RGS6: variants seen among roughly 807,000 people sequenced by gnomAD.
The protein encoded by RGS6 is regulator of G-protein signaling 6.
Under a neutral mutation model 78.5 loss-of-function variants are expected in RGS6, and 30 were observed. The ratio of observed to expected loss-of-function variants is 0.38; its 90% CI spans 0.29 to 0.52. RGS6 has a LOEUF of 0.52. RGS6 is among the 20% of genes least tolerant of loss of function. The probability of loss-of-function intolerance (pLI) is 0.85; values close to 1 mark genes in which losing one functional copy is unlikely to be tolerated. For missense variants in RGS6, 495 were observed against 609.7 expected, an observed-to-expected ratio of 0.81 and a Z score of 1.98; for synonymous variants, 206 against 206.0, an observed-to-expected ratio of 1.00 and a Z score of 0.00.
In RGS6 at chr14:72,413,710, T is replaced by C. The variant is rs894821267; in HGVS notation, c.185-40818T>C. Reference sequence around the variant, plus strand: ...GTTTTTGCAGTGGCTGGTACTGCGGTTGTTCCTTTCCATGTTTAGTGCTTC... The same window carrying C: ...GTTTTTGCAGTGGCTGGTACTGCGGCTGTTCCTTTCCATGTTTAGTGCTTC... On this transcript the variant is annotated intron_variant, in intron 3 of 17. Transcript: ENST00000553525. Among the ~76,000 whole-genome samples, 86 of 152,202 alleles carry C rather than the reference T, an allele frequency of 5.7e-4. 2 individuals carry two copies. Among genetic ancestry groups the C allele is most frequent in the Non-Finnish European group, 2.2e-4 (15 of 68,038 alleles).
chr14:72,295,027 C>T (rs1444213957), intron 2 of RGS6, among the ~76,000 whole-genome samples: 1 of 152,138 alleles, frequency 6.6e-6, no homozygotes, highest in Non-Finnish European at 1.5e-5. Flanking sequence ...CGCGGTGGCT[C>T]ACGCCTGTAA....
chr14:72,437,332 C>G (rs1442895732), intron 3 of RGS6, among the ~76,000 whole-genome samples: 1 of 114,290 alleles, frequency 8.7e-6, no homozygotes, highest in Admixed American at 1.2e-4. Context: ...CAGAGTGAGA[C>G]TCCATCTCAA....
At chr14:72,017,269 A>G (rs990715730) in intron 2 of RGS6, among the ~76,000 whole-genome samples, 2 of 151,816 alleles carry the variant, frequency 1.3e-5, no homozygotes, top group African/African-American at 4.8e-5. Context: ...ATCTTTTCCT[A>G]TTATTGCTGG....
intron 2 of RGS6, among the ~76,000 whole-genome samples, chr14:72,132,485 G>T (rs1266262227): frequency 6.6e-6 from 1 of 151,914 alleles, no homozygotes; most frequent in African/African-American, 2.4e-5. Flanking sequence ...CACCATGTTG[G>T]CCAGGCCAGT....
intron 2 of RGS6, among the ~76,000 whole-genome samples, chr14:72,181,311 A>G (rs1387882325): frequency 6.6e-6 from 1 of 152,190 alleles, no homozygotes; most frequent in Non-Finnish European, 1.5e-5. Flanking sequence ...GGGACAAGTC[A>G]TATTTAAGAC....
intron 2 of RGS6, among the ~76,000 whole-genome samples, chr14:72,040,195 C>A (rs1289890878): frequency 6.6e-6 from 1 of 151,946 alleles, no homozygotes; most frequent in Non-Finnish European, 1.5e-5. Context: ...TTACAGAATT[C>A]TGTATTTGTC....
chr14:72,352,883 T>C (rs2079396260), intron 3 of RGS6, among the ~76,000 whole-genome samples: 1 of 152,182 alleles, frequency 6.6e-6, no homozygotes, highest in Admixed American at 6.5e-5. Flanking sequence ...ACTACCTAGG[T>C]ATGTATCTTT....
intron 17 of RGS6, among the ~76,000 whole-genome samples, chr14:72,542,615 G>A (rs1002341897): frequency 3.3e-5 from 5 of 152,130 alleles, no homozygotes; most frequent in Non-Finnish European, 5.9e-5. Flanking sequence ...GGCAGCTCAC[G>A]GACCAAAGAC....
chr14:72,155,456 A>C (rs1220550611), intron 2 of RGS6, among the ~76,000 whole-genome samples: 1 of 152,132 alleles, frequency 6.6e-6, no homozygotes, highest in African/African-American at 2.4e-5. Context: ...TCCAGAACTA[A>C]CCACCCACAA....
At chr14:72,028,773 G>A (rs188334967) in intron 2 of RGS6, among the ~76,000 whole-genome samples, 50 of 152,336 alleles carry the variant, frequency 3.3e-4, no homozygotes, top group Non-Finnish European at 5.4e-4. Flanking sequence ...ATTTTTAGAA[G>A]CTGTAGTTGA....
chr14:72,045,882 G>A (rs1048736165), intron 2 of RGS6, among the ~76,000 whole-genome samples: 10 of 151,920 alleles, frequency 6.6e-5, no homozygotes, highest in African/African-American at 2.2e-4. Context: ...TTACCATTAG[G>A]GATGGAATAT....
Position 72,472,037 on chromosome 14 carries a change from G to A in RGS6, c.537-835G>A, listed in dbSNP as rs1022061325. ...GTACACAGTAATTATCACAAAAATCGCAGGGTGATTATGGGTTTATTTCAG... is the reference window on the plus strand; with the variant it reads ...GTACACAGTAATTATCACAAAAATCACAGGGTGATTATGGGTTTATTTCAG... On this transcript the variant is annotated intron_variant, in intron 8 of 17. Coordinates refer to ENST00000553525, the MANE Select transcript of RGS6 (RefSeq NM_001204424.2). 3.3e-5 allele frequency among the ~76,000 whole-genome samples: 5 copies of A among 151,936 alleles called. No homozygotes were observed. In the South Asian group the frequency reaches 8.3e-4, roughly 25 times the overall value.
At chr14:72,338,429 A>G (rs1159532346) in intron 2 of RGS6, among the ~76,000 whole-genome samples, 1 of 152,144 alleles carries the variant, frequency 6.6e-6, no homozygotes, top group Non-Finnish European at 1.5e-5. Context: ...ATTCACTACC[A>G]TGAGAACAGT....
At chr14:72,103,860 G>C (rs1166537547) in intron 2 of RGS6, among the ~76,000 whole-genome samples, 2 of 152,196 alleles carry the variant, frequency 1.3e-5, no homozygotes, top group Non-Finnish European at 2.9e-5. Flanking sequence ...GGAGGAAACA[G>C]AGGTTGCCTA....
At chr14:72,400,610 C>T (rs993959048) in intron 3 of RGS6, among the ~76,000 whole-genome samples, 3 of 152,168 alleles carry the variant, frequency 2.0e-5, no homozygotes, top group Admixed American at 6.5e-5. Flanking sequence ...TTTGACATTG[C>T]GCTGATTCTG....
chr14:72,451,159 G>A (rs181010062), intron 3 of RGS6, among the ~76,000 whole-genome samples: 27 of 152,292 alleles, frequency 1.8e-4, no homozygotes, highest in African/African-American at 5.3e-4. Context: ...ACTGCAGATT[G>A]AGTGCAGTGT....
Position 72,266,098 on chromosome 14 carries a change from C to T in RGS6, c.85-85997C>T, listed in dbSNP as rs146582250. 3.1e-3 allele frequency among the ~76,000 whole-genome samples: 467 copies of T among 152,244 alleles called. 1 individual carries two copies. Among genetic ancestry groups the T allele is most frequent in the African/African-American group, 0.011 (448 of 41,550 alleles). ...GATTTTGTGGATCGGGAATTCCAGC[C>T]GGACTCAGCTGGGAAATTCTTTTGC... On this transcript the variant is annotated intron_variant, in intron 2 of 17. Coordinates refer to ENST00000553525, the MANE Select transcript of RGS6 (RefSeq NM_001204424.2).
intron 2 of RGS6, among the ~76,000 whole-genome samples, chr14:71,998,173 A>G (rs1987723): frequency 0.73 from 111,051 of 151,806 alleles, 40,672 homozygotes; most frequent in East Asian, 0.78. Context: ...GCGGAGAGGG[A>G]GCTTCCAGGT....
At chr14:72,332,695 GTCTCA>G (rs1025275930) in intron 2 of RGS6, among the ~76,000 whole-genome samples, 15 of 152,272 alleles carry the variant, frequency 9.9e-5, no homozygotes, top group African/African-American at 3.4e-4. Flanking sequence ...ACCTCTCCTT[GTCTCA>G]TCTCACTTTT....
Sources: gnomAD v4.1 joint callset for allele counts (sites outside exome capture counted in the v4.1 genomes callset) on GRCh38, gnomAD v4.1.1 for gene constraint, MANE v1.5 for transcripts, NCBI Gene and HGNC (gene_info 2026-07-23, HGNC 2026-07-21) for gene names.